The following FLI1 variants were observed in gnomAD, a reference collection of about 807,000 sequenced individuals.
FLI1 encodes the protein Fli-1 proto-oncogene, ETS transcription factor.
In FLI1, 13 loss-of-function variants were observed where a neutral mutation model predicts 53.1. The ratio of observed to expected loss-of-function variants is 0.24; its 90% confidence interval spans 0.16 to 0.39. FLI1 has a LOEUF of 0.39. Ranked by LOEUF, FLI1 falls within the 10% of genes least tolerant of loss-of-function variation. The pLI is 1.00. For missense variants in FLI1, 424 were observed against 600.5 expected (o/e 0.71, Z 3.07); for synonymous variants, 244 against 236.7 (o/e 1.03, Z -0.28).
intron 1 of FLI1, among the ~76,000 whole-genome samples, chr11:128,716,121 T>C (rs1323399082): frequency 2.0e-5 from 3 of 152,186 alleles, no homozygotes; most frequent in Non-Finnish European, 2.9e-5. Context: ...TGGAGGCACA[T>C]TGGCTGGGGG....
In FLI1 at chr11:128,768,418, G is replaced by A. The variant is rs554851773; in HGVS notation, c.385+146G>A. On this transcript the variant is annotated intron_variant, in intron 3 of 8. Transcript: ENST00000527786. Reference sequence around the variant, plus strand: ...GCACGCCAGCCGGGAGTGGTGGCTCGCGCCTGTAATCCCAGCACTTTGAGA... The same window carrying A: ...GCACGCCAGCCGGGAGTGGTGGCTCACGCCTGTAATCCCAGCACTTTGAGA... The A allele has an allele frequency of 5.4e-5, 51 of 949,024 alleles. 1 individual carries two copies. Among genetic ancestry groups the A allele is most frequent in the African/African-American group, 1.9e-4 (12 of 61,786 alleles). The allele number at this position is 949,024 out of a possible 1,614,324, so 58.8% of individuals were successfully genotyped here.
At chr11:128,721,223 G>A (rs998826880) in intron 1 of FLI1, among the ~76,000 whole-genome samples, 7 of 152,188 alleles carry the variant, frequency 4.6e-5, no homozygotes, top group African/African-American at 1.7e-4. Flanking sequence ...GCCTTCTTCT[G>A]CTGCCTTGAT....
chr11:128,790,930 G>C (rs1942252112), intron 5 of FLI1, among the ~76,000 whole-genome samples: 1 of 152,150 alleles, frequency 6.6e-6, no homozygotes, highest in South Asian at 2.1e-4. Context: ...ACCAGAGGTT[G>C]TGCAGGCCAC....
chr11:128,782,925 G>C (rs1056005336), intron 5 of FLI1, among the ~76,000 whole-genome samples: 1 of 152,174 alleles, frequency 6.6e-6, no homozygotes, highest in Non-Finnish European at 1.5e-5. Context: ...ATAATTCATA[G>C]TACCTGGTTT....
At chr11:128,716,815 A>G (rs1442490772) in intron 1 of FLI1, among the ~76,000 whole-genome samples, 1 of 152,152 alleles carries the variant, frequency 6.6e-6, no homozygotes, top group East Asian at 1.9e-4. Flanking sequence ...TTTACTCTGG[A>G]GAAAACTGAG....
At chr11:128,690,400 C>T (rs1264535834), upstream of FLI1, among the ~76,000 whole-genome samples, 7 of 152,178 alleles carry the variant, frequency 4.6e-5, no homozygotes, top group African/African-American at 1.4e-4. Flanking sequence ...GGAGCCACCC[C>T]TGGGTCTGTT....
At chr11:128,780,630 G>A (rs923472672) in intron 4 of FLI1, among the ~76,000 whole-genome samples, 4 of 152,142 alleles carry the variant, frequency 2.6e-5, no homozygotes, top group Non-Finnish European at 5.9e-5. Flanking sequence ...CTTCCTCATC[G>A]TCTGGCTTGG....
chr11:128,690,299 A>AGT (rs1555105193), upstream of FLI1, among the ~76,000 whole-genome samples: 11 of 151,926 alleles, frequency 7.2e-5, 1 homozygote, highest in Middle Eastern at 3.4e-3. Context: ...GCTGGACCAG[A>AGT]GGGGCATGGG....
intron 2 of FLI1, among the ~76,000 whole-genome samples, chr11:128,765,730 G>C (rs1455831518): frequency 6.6e-6 from 1 of 152,228 alleles, no homozygotes; most frequent in Non-Finnish European, 1.5e-5. Context: ...TTTCACAACT[G>C]ACAAGGATGC....
At chr11:128,775,489 G>A (rs910842232) in intron 4 of FLI1, among the ~76,000 whole-genome samples, 2 of 152,168 alleles carry the variant, frequency 1.3e-5, no homozygotes, top group African/African-American at 4.8e-5. Context: ...TCTACCTTGG[G>A]GTTCCAGCCT....
chr11:128,718,249 A>G (rs1340866578), intron 1 of FLI1, among the ~76,000 whole-genome samples: 1 of 152,226 alleles, frequency 6.6e-6, no homozygotes, highest in Non-Finnish European at 1.5e-5. Flanking sequence ...ATTATGATTC[A>G]AAAAAGAGGC....
intron 5 of FLI1, among the ~76,000 whole-genome samples, chr11:128,800,126 T>C (rs1288908753): frequency 1.4e-4 from 22 of 152,146 alleles, no homozygotes; most frequent in Admixed American, 1.4e-3. Context: ...GCATCCTCAC[T>C]CTTTCAAGAA....
chr11:128,712,014 AAC>A (rs1938800597), intron 1 of FLI1, among the ~76,000 whole-genome samples: 1 of 152,220 alleles, frequency 6.6e-6, no homozygotes, highest in African/African-American at 2.4e-5. Context: ...GTTTGTATTC[AAC>A]ACAGTTTGGT....
intron 5 of FLI1, among the ~76,000 whole-genome samples, chr11:128,799,874 T>A (rs373738758): frequency 4.7e-4 from 71 of 152,316 alleles, no homozygotes; most frequent in African/African-American, 1.5e-3. Flanking sequence ...CCCCAAAGAC[T>A]GGACCTATTA....
At chr11:128,795,208 T>A (rs1455857354) in intron 5 of FLI1, among the ~76,000 whole-genome samples, 1 of 152,226 alleles carries the variant, frequency 6.6e-6, no homozygotes, top group Non-Finnish European at 1.5e-5. Context: ...TCCAACACAC[T>A]CTTCAAAACC....
At chr11:128,802,920 T>A (rs576715863) in intron 5 of FLI1, among the ~76,000 whole-genome samples, 1 of 152,342 alleles carries the variant, frequency 6.6e-6, no homozygotes, top group South Asian at 2.1e-4. Flanking sequence ...GAAAAGCCGA[T>A]AAGAAGTCAA....
At position 128,799,052 on chromosome 11, in the gene FLI1, A is replaced by ATTTTTTTTT. The variant is rs199725753; in HGVS notation, c.656-6310_656-6309insTTTTTTTTT. Among the ~76,000 whole-genome samples, 365 of 140,448 alleles carry ATTTTTTTTT rather than the reference A, an allele frequency of 2.6e-3. 21 individuals are homozygous for ATTTTTTTTT. Among genetic ancestry groups the ATTTTTTTTT allele is most frequent in the African/African-American group, 9.3e-3 (358 of 38,302 alleles). The allele number at this position is 140,448 out of a possible 152,430, so 92.1% of individuals were successfully genotyped here. ...TATTATTATTATTATTATTATTATT[A>ATTTTTTTTT]TTTTGCTTTGGAGACAGGATCTCAC... On this transcript the variant is annotated intron_variant, in intron 5 of 8. Coordinates refer to ENST00000527786, the MANE Select transcript of FLI1 (RefSeq NM_002017.5).
intron 1 of FLI1, among the ~76,000 whole-genome samples, chr11:128,756,024 A>G (rs1393242987): frequency 6.6e-6 from 1 of 152,242 alleles, no homozygotes; most frequent in East Asian, 1.9e-4. Context: ...CTACAGGCAT[A>G]TGAAGAGCAT....
chr11:128,772,770 T>C lies in FLI1; in HGVS notation c.386-12T>C, dbSNP rs746772325. 8.1e-6 allele frequency: 13 copies of C among 1,612,976 alleles called. No homozygotes were observed. The highest frequency in any genetic ancestry group is 1.1e-5 in the Non-Finnish European group (13 of 1,179,030). On this transcript the variant is annotated splice_polypyrimidine_tract_variant and intron_variant, in intron 3 of 8. Coordinates refer to ENST00000527786, the MANE Select transcript of FLI1 (RefSeq NM_002017.5). ...CCTGCAGTCCTTGCTAACAACGTCTTCTCCTCTGCAGACCCCACACTGTGG... is the reference window on the plus strand; with the variant it reads ...CCTGCAGTCCTTGCTAACAACGTCTCCTCCTCTGCAGACCCCACACTGTGG...
Sources: allele counts gnomAD v4.1 joint callset (sites outside exome capture counted in the v4.1 genomes callset), GRCh38; gene constraint gnomAD v4.1.1; transcripts MANE v1.5; gene names NCBI Gene and HGNC (gene_info 2026-07-23, HGNC 2026-07-21).